CADPS2: variants seen among roughly 807,000 people sequenced by gnomAD.
CADPS2 encodes the protein calcium-dependent secretion activator 2.
CADPS2 carries 93 observed loss-of-function variants against 172.5 expected under a neutral mutation model. That is an observed-to-expected ratio of 0.54 (90% CI 0.46 to 0.64). The LOEUF is 0.64. Ranked by LOEUF, CADPS2 falls within the 30% of genes least tolerant of loss-of-function variation. The probability of loss-of-function intolerance (pLI) is 0.00; values close to 1 mark genes in which losing one functional copy is unlikely to be tolerated. For missense variants in CADPS2, 1,420 were observed against 1,565.9 expected (o/e 0.91, Z 1.57); for synonymous variants, 546 against 555.2 (o/e 0.98, Z 0.23).
At chr7:122,552,363 G>A (rs1303739662) in intron 8 of CADPS2, among the ~76,000 whole-genome samples, 1 of 152,076 alleles carries the variant, frequency 6.6e-6, no homozygotes, top group Non-Finnish European at 1.5e-5. Context: ...GGGCTATGAG[G>A]CATTTCTGGT....
At chr7:122,595,212 A>C (rs1044121084) in intron 6 of CADPS2, among the ~76,000 whole-genome samples, 1 of 151,930 alleles carries the variant, frequency 6.6e-6, no homozygotes, top group African/African-American at 2.4e-5. Context: ...TTACCTTTTA[A>C]AGATAAAAAG....
chr7:122,769,240 A>G (rs1023291103), intron 1 of CADPS2, among the ~76,000 whole-genome samples: 1 of 152,218 alleles, frequency 6.6e-6, no homozygotes, highest in African/African-American at 2.4e-5. Flanking sequence ...ATTCACAGCT[A>G]AAAATTAGAG....
At chr7:122,732,657 GT>G (rs928246257) in intron 2 of CADPS2, among the ~76,000 whole-genome samples, 2 of 143,998 alleles carry the variant, frequency 1.4e-5, no homozygotes, top group Non-Finnish European at 3.0e-5. Flanking sequence ...ATATATATTT[GT>G]GTATAATATA....
At chr7:122,432,911 T>G (rs1030050614) in intron 17 of CADPS2, among the ~76,000 whole-genome samples, 1 of 151,928 alleles carries the variant, frequency 6.6e-6, no homozygotes, top group Non-Finnish European at 1.5e-5. Context: ...ACCAAGAACA[T>G]TTACAAGGTA....
intron 28 of CADPS2, among the ~76,000 whole-genome samples, chr7:122,328,823 C>T (rs1423912525): frequency 6.6e-6 from 1 of 152,108 alleles, no homozygotes; most frequent in Non-Finnish European, 1.5e-5. Flanking sequence ...ATATTAGCAG[C>T]CCGCCTCCCC....
intron 12 of CADPS2, among the ~76,000 whole-genome samples, chr7:122,478,858 AAT>A (rs1238194633): frequency 6.6e-6 from 1 of 152,158 alleles, no homozygotes; most frequent in Non-Finnish European, 1.5e-5. Context: ...TGCTATTGTG[AAT>A]AGTGCCACAA....
At chr7:122,839,746 G>C (rs565784223) in intron 1 of CADPS2, among the ~76,000 whole-genome samples, 3 of 152,294 alleles carry the variant, frequency 2.0e-5, no homozygotes, top group African/African-American at 4.8e-5. Flanking sequence ...TCTCACACCA[G>C]TTAGAATGGC....
chr7:122,534,606 T>C (rs183254159), intron 8 of CADPS2, among the ~76,000 whole-genome samples: 1 of 152,190 alleles, frequency 6.6e-6, no homozygotes, highest in Admixed American at 6.5e-5. Flanking sequence ...CCCTAATATT[T>C]AGAGTTTGTA....
chr7:122,378,609 T>C lies in CADPS2; in HGVS notation c.3387+759A>G, dbSNP rs556621790. Among the ~76,000 whole-genome samples, 25 of 152,236 alleles carry C rather than the reference T, an allele frequency of 1.6e-4. No individual in the cohort carries two copies. The South Asian group carries it at 5.2e-3, about 32-fold the overall frequency. On this transcript the variant is annotated intron_variant, in intron 25 of 29. Transcript: ENST00000449022. ...GCTTCTTGTCATCCTTCCAGTTGTT[T>C]TATGAAGAAGCCTGATTTGGGGCTT... is the stretch of plus-strand genomic sequence containing the variant.
At position 122,416,086 on chromosome 7, in the gene CADPS2, TG is replaced by T. The variant is rs1265034691; in HGVS notation, c.2554del (p.Gln852SerfsTer40). The stretch of plus-strand genomic sequence containing the variant: ...CTCTGCATGATGCTCTTCATTCTGC[TG>T]TAAGACTTCTATGCAGAGCTCTGCC... Reference protein sequence around the residue: ...HLAELCIEVLQQNEEHHAEGR... With the variant: ...HLAELCIEVLXQNEEHHAEGR... On this transcript the variant is annotated frameshift_variant, in exon 18 of 30. Transcript: ENST00000449022. LOFTEE classifies it high-confidence loss of function. The T allele has an allele frequency of 1.3e-6, 2 of 1,543,598 alleles. No individual in the cohort carries two copies. Among genetic ancestry groups the T allele is most frequent in the Non-Finnish European group, 1.8e-6 (2 of 1,139,126 alleles).
intron 2 of CADPS2, among the ~76,000 whole-genome samples, chr7:122,713,886 T>A (rs1564151007): frequency 6.6e-6 from 1 of 152,042 alleles, no homozygotes; most frequent in South Asian, 2.1e-4. Flanking sequence ...TTCCCTCACA[T>A]CCACAGACCA....
intron 1 of CADPS2, among the ~76,000 whole-genome samples, chr7:122,874,763 C>A (rs1046208797): frequency 6.6e-6 from 1 of 152,034 alleles, no homozygotes; most frequent in Non-Finnish European, 1.5e-5. Flanking sequence ...ACAAACCTGA[C>A]AAAAACAAGC....
At chr7:122,799,034 A>G (rs1796991810) in intron 1 of CADPS2, among the ~76,000 whole-genome samples, 1 of 152,078 alleles carries the variant, frequency 6.6e-6, no homozygotes, top group Non-Finnish European at 1.5e-5. Context: ...TTCCAATCGT[A>G]AAAATGCTGT....
At chr7:122,544,785 G>C (rs944780502) in intron 8 of CADPS2, among the ~76,000 whole-genome samples, 1 of 152,152 alleles carries the variant, frequency 6.6e-6, no homozygotes, top group African/African-American at 2.4e-5. Flanking sequence ...CAAAGTTGGA[G>C]GGGACAAGAA....
At chr7:122,560,651 C>T (rs1200648014) in intron 7 of CADPS2, among the ~76,000 whole-genome samples, 1 of 152,162 alleles carries the variant, frequency 6.6e-6, no homozygotes, top group Non-Finnish European at 1.5e-5. Flanking sequence ...ATATTTTAGG[C>T]AAATGGCTGA....
Position 122,487,065 on chromosome 7 carries a change from G to C in CADPS2, c.1852+3016C>G, listed in dbSNP as rs1020493385. Among the ~76,000 whole-genome samples, 5 of 148,218 alleles carry C rather than the reference G, an allele frequency of 3.4e-5. No homozygotes were observed. In the South Asian group the frequency reaches 8.5e-4, roughly 25 times the overall value. On this transcript the variant is annotated intron_variant, in intron 11 of 29. Transcript: ENST00000449022. ...GGGTTTCACTCTATCGCCCAGGCTG[G>C]AGTGCAGTGGCGCTATTTCACTGCA... is the stretch of plus-strand genomic sequence containing the variant.
intron 8 of CADPS2, among the ~76,000 whole-genome samples, chr7:122,532,868 C>T (rs1459063826): frequency 6.6e-6 from 1 of 151,898 alleles, no homozygotes; most frequent in African/African-American, 2.4e-5. Context: ...CATAGTGCCC[C>T]CAAGTGGATA....
At chr7:122,607,726 G>A (rs1441439092) in intron 6 of CADPS2, among the ~76,000 whole-genome samples, 1 of 152,030 alleles carries the variant, frequency 6.6e-6, no homozygotes, top group Non-Finnish European at 1.5e-5. Context: ...CTCAATGAAT[G>A]TAAATTTCTG....
Position 122,585,961 on chromosome 7 carries a change from AAAAAGAGT to A in CADPS2, c.1224-4679_1224-4672del, listed in dbSNP as rs2069612275. Among the ~76,000 whole-genome samples, 3 of 152,120 alleles carry A rather than the reference AAAAAGAGT, an allele frequency of 2.0e-5. No individual in the cohort carries two copies. In the South Asian group the frequency reaches 6.2e-4, roughly 32 times the overall value. ...TCCTATCAAAATAATTGTAAGTATT[AAAAAGAGT>A]CTAAGCAGAAACATTCATGACAGCA... On this transcript the variant is annotated intron_variant, in intron 6 of 29. Transcript: ENST00000449022.
Sources: gnomAD v4.1 joint callset for allele counts (sites outside exome capture counted in the v4.1 genomes callset) on GRCh38, gnomAD v4.1.1 for gene constraint, MANE v1.5 for transcripts, NCBI Gene and HGNC (gene_info 2026-07-23, HGNC 2026-07-21) for gene names.